PCLO: variants seen among roughly 807,000 people sequenced by gnomAD.
PCLO encodes piccolo presynaptic cytomatrix protein.
Under a neutral mutation model 427.5 loss-of-function variants are expected in PCLO, and 82 were observed. The observed-to-expected ratio is 0.19, with a 90% CI of 0.16 to 0.23. The LOEUF is 0.23. Among genes scored for constraint, PCLO ranks in the 10% least tolerant of loss-of-function variants. The pLI, the probability that PCLO is intolerant of heterozygous loss-of-function variation, is 1.00. For synonymous variants in PCLO, 2,357 were observed against 2,155.4 expected (o/e 1.09, Z -2.59); for missense variants, 6,239 against 6,115.9 (o/e 1.02, Z -0.67).
chr7:83,057,750 T>C (rs1007833324), intron 3 of PCLO, among the ~76,000 whole-genome samples: 3 of 152,070 alleles, frequency 2.0e-5, no homozygotes, highest in African/African-American at 7.2e-5. Flanking sequence ...AAATTAGACA[T>C]GGAACTTATT....
chr7:82,882,143 G>T (rs1231270422), intron 9 of PCLO, among the ~76,000 whole-genome samples: 1 of 152,028 alleles, frequency 6.6e-6, no homozygotes, highest in East Asian at 1.9e-4. Flanking sequence ...TGGATATTTT[G>T]ATTTCACATT....
intron 22 of PCLO, among the ~76,000 whole-genome samples, chr7:82,782,318 A>G (rs1790890089): frequency 2.0e-5 from 3 of 152,170 alleles, no homozygotes. Flanking sequence ...TTGTGGAAAA[A>G]CATGATTTGA....
rs751270357 is a variant in PCLO, at chr7:83,155,878, C to G, written c.763G>C (p.Gly255Arg). The G allele has an allele frequency of 6.2e-7, 1 of 1,613,890 alleles. No individual in the cohort carries two copies. Among genetic ancestry groups the G allele is most frequent in the Non-Finnish European group, 8.5e-7 (1 of 1,179,860 alleles). Reference sequence around the variant, plus strand: ...TGGGTAGGACCCTGAATTGGCTTTCCTGTACCTGGAGGTTGTGATTTAATT... The same window carrying G: ...TGGGTAGGACCCTGAATTGGCTTTCGTGTACCTGGAGGTTGTGATTTAATT... ...EKIKSQPPGT[G>R]KPIQGPTQTP... The change falls in exon 2 of 25, where the codon GGA becomes CGA. Residue 255 changes from glycine to arginine, a missense_variant. Gly to Arg is a moderately radical substitution (Grantham distance 125). This residue lies in a region of PCLO where 4,677 missense variants were observed against 4,468.4 expected (regional missense o/e 1.05). Transcript: ENST00000333891.
At chr7:82,978,742 G>C (rs759967711) in intron 3 of PCLO, among the ~76,000 whole-genome samples, 4 of 151,848 alleles carry the variant, frequency 2.6e-5, no homozygotes, top group African/African-American at 4.8e-5. Flanking sequence ...AGTCACCAGG[G>C]AAACCTTAAT....
intron 3 of PCLO, among the ~76,000 whole-genome samples, chr7:83,064,764 A>G (rs1392196696): frequency 6.6e-6 from 1 of 152,042 alleles, no homozygotes; most frequent in African/African-American, 2.4e-5. Context: ...CAATAAGAAA[A>G]TCATGAGTTC....
intron 3 of PCLO, among the ~76,000 whole-genome samples, chr7:82,993,770 G>T (rs1326443505): frequency 2.0e-5 from 3 of 152,056 alleles, no homozygotes; most frequent in Admixed American, 6.6e-5. Context: ...CAGCAAAGCT[G>T]TAAGATATTC....
At chr7:82,899,511 A>G (rs1204921354) in intron 9 of PCLO, among the ~76,000 whole-genome samples, 2 of 151,524 alleles carry the variant, frequency 1.3e-5, no homozygotes, top group African/African-American at 4.8e-5. Flanking sequence ...TTCCTAAGAC[A>G]TATGGAAAAT....
chr7:82,768,220 C>T (rs1375729503), intron 22 of PCLO, among the ~76,000 whole-genome samples: 1 of 151,966 alleles, frequency 6.6e-6, no homozygotes, highest in African/African-American at 2.4e-5. Context: ...GACAGGAGTT[C>T]GAGACCAGCC....
At chr7:83,095,257 C>T (rs1286449714) in intron 3 of PCLO, among the ~76,000 whole-genome samples, 52 of 152,020 alleles carry the variant, frequency 3.4e-4, no homozygotes, top group Non-Finnish European at 2.9e-5. Context: ...TTGTTTGTAG[C>T]ATTTCCTTCT....
intron 3 of PCLO, among the ~76,000 whole-genome samples, chr7:83,059,367 TATATATATATATAA>T (rs1378494270): frequency 8.6e-6 from 1 of 116,342 alleles, no homozygotes; most frequent in African/African-American, 3.8e-5. Context: ...AATATATATA[TATATATATATATAA>T]AAATGAAAAA....
chr7:83,058,376 T>G (rs1271052224), intron 3 of PCLO, among the ~76,000 whole-genome samples: 1 of 152,106 alleles, frequency 6.6e-6, no homozygotes, highest in African/African-American at 2.4e-5. Context: ...TACATAGAGC[T>G]GACAATTTCT....
intron 6 of PCLO, among the ~76,000 whole-genome samples, chr7:82,927,896 T>C (rs1039588779): frequency 6.6e-6 from 1 of 152,178 alleles, no homozygotes; most frequent in African/African-American, 2.4e-5. Context: ...CCATAGTTCA[T>C]TTGCTGTTAG....
At chr7:82,945,362 G>A (rs1378519928) in intron 6 of PCLO, among the ~76,000 whole-genome samples, 1 of 152,038 alleles carries the variant, frequency 6.6e-6, no homozygotes, top group Non-Finnish European at 1.5e-5. Context: ...GTACAATATA[G>A]TGCTTGGATA....
chr7:83,031,831 C>T (rs926426632), intron 3 of PCLO, among the ~76,000 whole-genome samples: 1 of 150,894 alleles, frequency 6.6e-6, no homozygotes, highest in Non-Finnish European at 1.5e-5. Context: ...AGAATAAGTC[C>T]CTCAAAGATA....
Position 83,134,919 on chromosome 7 carries a change from T to C in PCLO, c.2631A>G (p.Thr877=), listed in dbSNP as rs370642928. ...CAGCGGTAGGTCGTGGGCCAGGGGG[T>C]GTTGGTGACCCTTTTGGCATTGGCT... ...DAKPMPKGSP[T]PPGPRPTAGQ... The change falls in exon 3 of 25, where the codon ACA becomes ACG. Residue 877 remains threonine (T), a synonymous_variant. Transcript: ENST00000333891. 2.0e-4 allele frequency: 317 copies of C among 1,603,804 alleles called. No homozygotes were observed. Among genetic ancestry groups the C allele is most frequent in the Non-Finnish European group, 2.6e-4 (300 of 1,175,426 alleles).
rs1795517315 is a variant in PCLO, at chr7:82,956,312, T to C, written c.4641A>G (p.Gln1547=). The change falls in exon 5 of 25, where the codon CAA becomes CAG. Residue 1547 remains glutamine (Q), a synonymous_variant. Transcript: ENST00000333891. The part of the protein sequence containing the change: ...SSDEYKQEDS[Q]GSGEEEDFIR... Reference sequence around the variant, plus strand: ...TGAAGTCCTCCTCTTCCCCTGATCCTTGGCTGTCTTCCTGTTTATACTCAT... The same window carrying C: ...TGAAGTCCTCCTCTTCCCCTGATCCCTGGCTGTCTTCCTGTTTATACTCAT... The C allele has an allele frequency of 1.9e-6, 3 of 1,612,958 alleles. No individual in the cohort carries two copies. The highest frequency in any genetic ancestry group is 2.2e-5 in the South Asian group (2 of 91,088).
chr7:83,026,370 A>G (rs2116099243), intron 3 of PCLO, among the ~76,000 whole-genome samples: 1 of 152,204 alleles, frequency 6.6e-6, no homozygotes, highest in East Asian at 1.9e-4. Flanking sequence ...GCCATTACAT[A>G]ATGGTAAAGG....
At chr7:83,093,492 A>ATATATATATATTTTTTTTTTT in intron 3 of PCLO, among the ~76,000 whole-genome samples, 4 of 59,318 alleles carry the variant, frequency 6.7e-5, no homozygotes, top group African/African-American at 1.1e-4. Context: ...ATATATATAT[A>ATATATATATATTTTTTTTTTT]TTTTTTTTTT....
intron 22 of PCLO, among the ~76,000 whole-genome samples, chr7:82,781,363 G>A (rs923925523): frequency 3.3e-5 from 5 of 151,620 alleles, no homozygotes; most frequent in Admixed American, 6.6e-5. Context: ...TACATGTGCA[G>A]AACGTGTAGG....
Sources: gnomAD v4.1 joint callset for allele counts (sites outside exome capture counted in the v4.1 genomes callset) on GRCh38, gnomAD v4.1.1 for gene constraint, gnomAD v4.1.1 regional missense constraint, MANE v1.5 for transcripts, NCBI Gene and HGNC (gene_info 2026-07-23, HGNC 2026-07-21) for gene names.